The following SGCD variants were observed in gnomAD, a reference collection of about 807,000 sequenced individuals.
The protein encoded by SGCD is delta-sarcoglycan.
Under a neutral mutation model 36.6 loss-of-function variants are expected in SGCD, and 18 were observed. The observed-to-expected ratio is 0.49, with a 90% CI of 0.34 to 0.73. The LOEUF (loss-of-function observed/expected upper bound fraction) is 0.73, where lower values mean the gene tolerates loss of function less well. Among genes scored for constraint, SGCD ranks in the 30% least tolerant of loss-of-function variants. The pLI is 0.01. For synonymous variants in SGCD, 133 were observed against 130.6 expected (o/e 1.02, Z -0.12); for missense variants, 387 against 346.7 (o/e 1.12, Z -0.92).
intron 1 of SGCD, among the ~76,000 whole-genome samples, chr5:156,011,335 T>C (rs997621184): frequency 1.3e-5 from 2 of 152,214 alleles, no homozygotes; most frequent in Admixed American, 1.3e-4. Context: ...GATCTTACTA[T>C]ATGGAACTTA....
intron 3 of SGCD, among the ~76,000 whole-genome samples, chr5:156,228,813 A>G (rs989952561): frequency 6.6e-6 from 1 of 152,068 alleles, no homozygotes; most frequent in African/African-American, 2.4e-5. Flanking sequence ...TTCAAGATTT[A>G]GAGCTCCTTT....
At chr5:156,117,175 A>T (rs185256389) in intron 1 of SGCD, among the ~76,000 whole-genome samples, 2 of 152,156 alleles carry the variant, frequency 1.3e-5, no homozygotes, top group Admixed American at 6.6e-5. Context: ...AGAAATGGAC[A>T]TGAAACAGAG....
At chr5:155,867,991 A>G (rs77358936), upstream of SGCD, among the ~76,000 whole-genome samples, 2,405 of 152,274 alleles carry the variant, frequency 0.016, 59 homozygotes, top group African/African-American at 0.054. Context: ...AGGAGTGGAA[A>G]ATGTTCAAAA....
At chr5:155,865,960 A>G (rs1420550580), upstream of SGCD, among the ~76,000 whole-genome samples, 4 of 152,192 alleles carry the variant, frequency 2.6e-5, no homozygotes, top group East Asian at 7.7e-4. Flanking sequence ...CCCAATAATC[A>G]TAGTTTATCT....
intron 7 of SGCD, among the ~76,000 whole-genome samples, chr5:156,723,599 A>G (rs1755619751): frequency 6.6e-6 from 1 of 152,252 alleles, no homozygotes; most frequent in Non-Finnish European, 1.5e-5. Context: ...ATGTAATAGA[A>G]GGAACCTGAG....
chr5:156,208,618 C>T (rs185195063), intron 3 of SGCD, among the ~76,000 whole-genome samples: 174 of 152,296 alleles, frequency 1.1e-3, no homozygotes, highest in Middle Eastern at 3.4e-3. Context: ...ACTTTCTGTA[C>T]TTAATAATCA....
chr5:156,587,583 G>T (rs1256112304), intron 4 of SGCD, among the ~76,000 whole-genome samples: 1 of 152,096 alleles, frequency 6.6e-6, no homozygotes, highest in African/African-American at 2.4e-5. Context: ...CTGCCATTCT[G>T]CCATGTGCAG....
chr5:156,051,887 G>C lies in SGCD; in HGVS notation c.-281-65991G>C, dbSNP rs768490108. Among the ~76,000 whole-genome samples, 35 of 145,482 alleles carry C rather than the reference G, an allele frequency of 2.4e-4. 7 individuals are homozygous for C. Among genetic ancestry groups the C allele is most frequent in the Non-Finnish European group, 4.6e-4 (30 of 64,562 alleles). ...AGAGGTGGGGAAGGGTTGTTGTTCTGAGCAGAGGGAATGGGATGTGAAATG... is the reference window on the plus strand; with the variant it reads ...AGAGGTGGGGAAGGGTTGTTGTTCTCAGCAGAGGGAATGGGATGTGAAATG... On this transcript the variant is annotated intron_variant, in intron 1 of 9. Transcript: ENST00000517913.
upstream of SGCD, among the ~76,000 whole-genome samples, chr5:155,868,972 G>T (rs1755577395): frequency 6.6e-6 from 1 of 152,160 alleles, no homozygotes; most frequent in Non-Finnish European, 1.5e-5. Context: ...ATAGAAAAGT[G>T]GCTGGGAATT....
chr5:156,297,097 CA>C (rs1241622397), intron 3 of SGCD, among the ~76,000 whole-genome samples: 2 of 151,742 alleles, frequency 1.3e-5, no homozygotes, highest in Non-Finnish European at 2.9e-5. Context: ...ATAATTACAT[CA>C]GGGTAAATGG....
At chr5:155,782,690 C>T in the SGCD span, among the ~76,000 whole-genome samples, 1 of 152,170 alleles carries the variant, frequency 6.6e-6, no homozygotes, top group African/African-American at 2.4e-5. Context: ...GGCAAATGAG[C>T]ATCACTGCCT....
intron 6 of SGCD, among the ~76,000 whole-genome samples, chr5:156,604,320 G>A (rs1761326840): frequency 6.6e-6 from 1 of 151,384 alleles, no homozygotes; most frequent in African/African-American, 2.4e-5. Context: ...AATATAATGG[G>A]GTCTTGTTCT....
chr5:156,053,521 T>C (rs1373618726), intron 1 of SGCD, among the ~76,000 whole-genome samples: 1 of 146,126 alleles, frequency 6.8e-6, no homozygotes, highest in Non-Finnish European at 1.5e-5. Context: ...AATTAGAAGA[T>C]AAAATTAAGA....
chr5:156,309,552 A>T (rs1409240647), intron 3 of SGCD, among the ~76,000 whole-genome samples: 3 of 149,576 alleles, frequency 2.0e-5, no homozygotes. Flanking sequence ...TATTTTGTTC[A>T]TACATAATTT....
intron 3 of SGCD, among the ~76,000 whole-genome samples, chr5:156,194,827 T>C (rs562623786): frequency 2.1e-4 from 32 of 152,236 alleles, no homozygotes; most frequent in Admixed American, 8.5e-4. Context: ...TATGGCTCAG[T>C]TTCCTAATAG....
intron 3 of SGCD, among the ~76,000 whole-genome samples, chr5:156,499,368 T>C (rs986305388): frequency 7.9e-5 from 12 of 152,190 alleles, no homozygotes; most frequent in Admixed American, 5.2e-4. Context: ...GTATAGGCAA[T>C]GTACTGAGCC....
intron 3 of SGCD, among the ~76,000 whole-genome samples, chr5:156,477,270 T>C (rs140312901): frequency 2.0e-5 from 3 of 152,292 alleles, no homozygotes; most frequent in East Asian, 1.9e-4. Context: ...ATCCGGTACA[T>C]TGAGCAAGTG....
chr5:156,290,880 C>A lies in SGCD; in HGVS notation c.-43-38654C>A, dbSNP rs74947391. Among the ~76,000 whole-genome samples, 1,112 of 152,186 alleles carry A rather than the reference C, an allele frequency of 7.3e-3. 7 individuals carry two copies. The highest frequency in any genetic ancestry group is 0.021 in the African/African-American group (860 of 41,532). ...CCATAGATCCAGAATCACAAACTTG[C>A]CTGTAAAGGGTCAAATAGTAAATTT... On this transcript the variant is annotated intron_variant, in intron 3 of 9. Coordinates refer to the SGCD transcript ENST00000517913.
chr5:156,517,456 G>C (rs1317820700), intron 4 of SGCD, among the ~76,000 whole-genome samples: 1 of 152,084 alleles, frequency 6.6e-6, no homozygotes, highest in Non-Finnish European at 1.5e-5. Flanking sequence ...AACCTAGAAA[G>C]ACAGGCCAAC....
Sources: gnomAD v4.1 joint callset for allele counts (sites outside exome capture counted in the v4.1 genomes callset) on GRCh38, gnomAD v4.1.1 for gene constraint, MANE v1.5 for transcripts, NCBI Gene and HGNC (gene_info 2026-07-23, HGNC 2026-07-21) for gene names.